EXO1: variants seen among roughly 807,000 people sequenced by gnomAD.
EXO1 encodes exonuclease 1.
In EXO1, 69 loss-of-function variants were observed where a neutral mutation model predicts 84.5. The observed-to-expected ratio is 0.82, with a 90% CI of 0.67 to 1.00. The LOEUF is 1.00. Among genes scored for constraint, EXO1 ranks in the 50% least tolerant of loss-of-function variants. EXO1 has a pLI of 0.00. For missense variants in EXO1, 1,045 were observed against 1,000.7 expected (o/e 1.04, Z -0.60); for synonymous variants, 373 against 366.1 (o/e 1.02, Z -0.21).
chr1:241,856,238 C>T (rs1375033015), intron 6 of EXO1, among the ~76,000 whole-genome samples: 1 of 149,710 alleles, frequency 6.7e-6, no homozygotes, highest in Non-Finnish European at 1.5e-5. Context: ...ATCTTGATAC[C>T]TCTTTCCTCT....
intron 15 of EXO1, 176 bp downstream of exon 15, chr1:241,885,683 C>A (rs529225184): frequency 4.8e-6 from 3 of 627,140 alleles, no homozygotes; most frequent in Admixed American, 2.4e-5. Context: ...AATTTCTATA[C>A]CTTCTTTTCA....
intron 6 of EXO1, among the ~76,000 whole-genome samples, chr1:241,855,939 C>G (rs1490125973): frequency 2.0e-5 from 3 of 152,172 alleles, no homozygotes; most frequent in Non-Finnish European, 4.4e-5. Context: ...CGCGCAGCCC[C>G]AGTTCTCGCT....
intron 13 of EXO1, among the ~76,000 whole-genome samples, chr1:241,879,722 G>A (rs1662633854): frequency 1.3e-5 from 2 of 151,928 alleles, no homozygotes; most frequent in Admixed American, 1.3e-4. Context: ...ACCTTGTAAG[G>A]GGCCAGGTGC....
chr1:241,858,423 A>G lies in EXO1; in HGVS notation c.544-83A>G, dbSNP rs1232644933. 1.1e-5 allele frequency: 9 copies of G among 846,914 alleles called. No individual in the cohort carries two copies. The East Asian group carries it at 2.2e-4, about 21-fold the overall frequency. 52.5% of individuals were successfully genotyped at this position (846,914 alleles called of 1,614,324 possible). On this transcript the variant is annotated intron_variant, in intron 7 of 15. Transcript: ENST00000366548. ...TCAGTGTTATGGTGAAGAACAAGAA[A>G]GATTTCTTAAAATTATTGCAGTGGA...
intron 14 of EXO1, among the ~76,000 whole-genome samples, chr1:241,882,850 CAT>C (rs939044026): frequency 2.0e-5 from 3 of 152,040 alleles, no homozygotes; most frequent in Admixed American, 6.6e-5. Context: ...GAGATAATCA[CAT>C]GTTTTAAAAA....
Position 241,853,415 on chromosome 1 carries a change from G to A in EXO1, c.339G>A (p.Ser113=), listed in dbSNP as rs367890594. ...GKQLLREGKV[S]EARECFTRSI... ...AACTTCTTCGTGAGGGGAAAGTCTC[G>A]GAAGCTCGAGAGTGTTTCACCCGGT... Residue 113 remains serine, a synonymous_variant, in exon 6 of 16, where the codon TCG becomes TCA. Coordinates refer to ENST00000366548, the MANE Select transcript of EXO1 (RefSeq NM_130398.4). 1.3e-5 allele frequency: 21 copies of A among 1,613,732 alleles called. No individual in the cohort carries two copies. Among genetic ancestry groups the A allele is most frequent in the African/African-American group, 9.3e-5 (7 of 74,868 alleles).
chr1:241,864,191 A>T (rs183551907), intron 10 of EXO1, among the ~76,000 whole-genome samples: 211 of 152,236 alleles, frequency 1.4e-3, no homozygotes, highest in Middle Eastern at 3.4e-3. Context: ...TCATTCTTGG[A>T]TGATGTGGTT....
At chr1:241,886,417 GTGC>G (rs1663073520) in intron 15 of EXO1, among the ~76,000 whole-genome samples, 1 of 152,116 alleles carries the variant, frequency 6.6e-6, no homozygotes, top group African/African-American at 2.4e-5. Context: ...TAAAAGAAAT[GTGC>G]TGTTTAATAA....
chr1:241,866,926 G>A lies in EXO1; in HGVS notation c.1138G>A (p.Glu380Lys). Residue 380 changes from glutamate to lysine, a missense_variant, in exon 11 of 16, where the codon GAG becomes AAG. Coordinates refer to ENST00000366548, the MANE Select transcript of EXO1 (RefSeq NM_130398.4). ...GCATAGGAATTACTCTCCCAGACCA[G>A]AGTCGGGTACTGTTTCAGATGCCCC... ...IWHRNYSPRP[E>K]SGTVSDAPQL... 1.9e-6 allele frequency: 3 copies of A among 1,614,128 alleles called. No homozygotes were observed. Among genetic ancestry groups the A allele is most frequent in the Non-Finnish European group, 2.5e-6 (3 of 1,179,982 alleles).
rs547993650 is a variant in EXO1 at position 241,885,350 on chromosome 1, C to T, written c.2248C>T (p.Leu750Phe). 2.3e-5 allele frequency: 37 copies of T among 1,613,944 alleles called. 1 individual carries two copies. The South Asian group carries it at 3.7e-4, about 16-fold the overall frequency. ...ATATAAGTCCAGTTCTGCAGACTCT[C>T]TTTCTACAACCAAGATCAAACCTCT... ...GLYKSSSADS[L>F]STTKIKPLGP... The change falls in exon 15 of 16, where the codon CTT (leucine) becomes TTT (phenylalanine). Residue 750 changes from leucine to phenylalanine, a missense_variant. Coordinates refer to ENST00000366548, the MANE Select transcript of EXO1 (RefSeq NM_130398.4).
chr1:241,866,330 T>C (rs918922160), intron 10 of EXO1, among the ~76,000 whole-genome samples: 1 of 152,052 alleles, frequency 6.6e-6, no homozygotes, highest in African/African-American at 2.4e-5. Context: ...GCAAGGCTGG[T>C]CTCGAGCTCC....
At chr1:241,849,663 T>A (rs765059990) in intron 3 of EXO1, among the ~76,000 whole-genome samples, 1 of 152,180 alleles carries the variant, frequency 6.6e-6, no homozygotes, top group Non-Finnish European at 1.5e-5. Context: ...TTTTCCTTTG[T>A]TTTTTAATTG....
chr1:241,865,776 AT>A (rs892041294), intron 10 of EXO1, among the ~76,000 whole-genome samples: 6 of 152,150 alleles, frequency 3.9e-5, no homozygotes, highest in African/African-American at 1.4e-4. Context: ...TCTCTTTCTT[AT>A]TTAGTAAAAC....
chr1:241,859,960 A>C (rs970372381), intron 8 of EXO1, among the ~76,000 whole-genome samples: 2 of 152,202 alleles, frequency 1.3e-5, no homozygotes, highest in Non-Finnish European at 2.9e-5. Context: ...GTTGGAAGAT[A>C]GTGTCCCAGG....
At chr1:241,858,997 A>G (rs1661219427) in intron 8 of EXO1, among the ~76,000 whole-genome samples, 1 of 152,156 alleles carries the variant, frequency 6.6e-6, no homozygotes, top group African/African-American at 2.4e-5. Flanking sequence ...TTAAACTCGG[A>G]GTCTTTTGAC....
upstream of EXO1, chr1:241,847,993 C>T (rs552630858): frequency 4.6e-5 from 7 of 152,430 alleles, no homozygotes; most frequent in African/African-American, 1.7e-4. Context: ...GCCAGTGCCA[C>T]TCGCGCCCTC....
chr1:241,866,790 T>C, intron 10 of EXO1, 40 bp from the exon 11 acceptor site: 1 of 1,403,672 alleles, frequency 7.1e-7, no homozygotes, highest in Non-Finnish European at 1.0e-6. Flanking sequence ...AATTGATTAT[T>C]TTCTTTCTGC....
chr1:241,864,527 A>G (rs1331713305), intron 10 of EXO1, among the ~76,000 whole-genome samples: 1 of 152,206 alleles, frequency 6.6e-6, no homozygotes, highest in Non-Finnish European at 1.5e-5. Context: ...TTGACTGTAT[A>G]GTCAGGTTGG....
intron 11 of EXO1, among the ~76,000 whole-genome samples, chr1:241,869,262 A>G (rs1661934373): frequency 6.6e-6 from 1 of 152,196 alleles, no homozygotes; most frequent in African/African-American, 2.4e-5. Context: ...ATCCACATAT[A>G]TGTGGTCAGC....
Sources: allele counts gnomAD v4.1 joint callset (sites outside exome capture counted in the v4.1 genomes callset), GRCh38; gene constraint gnomAD v4.1.1; transcripts MANE v1.5; gene names NCBI Gene and HGNC (gene_info 2026-07-23, HGNC 2026-07-21).